Variants in KIF15 observed in about 807,000 individuals in gnomAD.
KIF15 encodes the protein kinesin-like protein KIF15.
KIF15 carries 140 observed loss-of-function variants against 190.6 expected under a neutral mutation model. The observed-to-expected ratio is 0.73, with a 90% CI of 0.64 to 0.84. KIF15 has a LOEUF of 0.84. Among genes scored for constraint, KIF15 ranks in the 40% least tolerant of loss-of-function variants. The pLI is 0.00. For synonymous variants in KIF15, 528 were observed against 551.3 expected, an observed-to-expected ratio of 0.96 and a Z score of 0.59; for missense variants, 1,372 against 1,584.4, an observed-to-expected ratio of 0.87 and a Z score of 2.28.
At chr3:44,797,792 T>G (rs1559542430) in intron 9 of KIF15, 42 bp from the exon 10 acceptor site, 1 of 1,608,104 alleles carries the variant, frequency 6.2e-7, no homozygotes. Context: ...AAAGGTCTTG[T>G]GATTTCTCAC....
At chr3:44,812,688 G>C (rs893658184) in intron 18 of KIF15, among the ~76,000 whole-genome samples, 2 of 152,144 alleles carry the variant, frequency 1.3e-5, no homozygotes, top group African/African-American at 4.8e-5. Context: ...TTTAAAAACA[G>C]GGACAGGTTA....
chr3:44,794,204 T>A lies in KIF15; in HGVS notation c.640-13T>A, dbSNP rs756467449. 2 of 1,603,782 alleles carry A rather than the reference T, an allele frequency of 1.2e-6. No homozygotes were observed. The highest frequency in any genetic ancestry group is 4.5e-5 in the East Asian group (2 of 44,778). On this transcript the variant is annotated splice_polypyrimidine_tract_variant and intron_variant, in intron 7 of 34. Transcript: ENST00000326047. ...TCCTCTCATTTCTTTTAATATGTTT[T>A]CCTTTTGCATAGGTGTTGTCTGGAG...
intron 24 of KIF15, among the ~76,000 whole-genome samples, chr3:44,829,374 ATGTGTG>A (rs547572565): frequency 1.7e-4 from 23 of 136,842 alleles, no homozygotes; most frequent in African/African-American, 5.5e-4. Context: ...ATATATATAT[ATGTGTG>A]TGTGTGTGTG....
rs368096692 is a variant in KIF15, at chr3:44,831,580, A to G, written c.3171+562A>G. ...GGTTGTCTTTTGCATTTTAGCGAAG[A>G]TAAGTTTTATTTTTGTTTTTTTGAT... On this transcript the variant is annotated intron_variant, in intron 26 of 34. Transcript: ENST00000326047. Among the ~76,000 whole-genome samples the G allele has an allele frequency of 9.8e-5, 15 of 152,314 alleles. No homozygotes were observed. In the South Asian group the frequency reaches 3.1e-3, roughly 32 times the overall value.
At chr3:44,838,007 A>T (rs1490034053) in intron 26 of KIF15, among the ~76,000 whole-genome samples, 2 of 152,172 alleles carry the variant, frequency 1.3e-5, no homozygotes, top group Non-Finnish European at 2.9e-5. Flanking sequence ...GGGGGTGAGG[A>T]GAGAATGCAA....
Position 44,826,022 on chromosome 3 carries a change from A to T in KIF15, c.2550-17A>T, listed in dbSNP as rs1697618857. On this transcript the variant is annotated splice_polypyrimidine_tract_variant and intron_variant, in intron 20 of 34. Transcript: ENST00000326047. The stretch of plus-strand genomic sequence containing the variant: ...TAAATGTTTATTTACCATTTTTAAA[A>T]TGTTTTCCTTATAAAGGTTAGAAAA... 1 of 1,567,956 alleles carries T rather than the reference A, an allele frequency of 6.4e-7. No individual in the cohort carries two copies. Among genetic ancestry groups the T allele is most frequent in the Non-Finnish European group, 8.6e-7 (1 of 1,163,480 alleles).
At chr3:44,821,726 G>T (rs1575646878) in intron 20 of KIF15, among the ~76,000 whole-genome samples, 1 of 152,362 alleles carries the variant, frequency 6.6e-6, no homozygotes. Flanking sequence ...CAGGGTGGCG[G>T]CTGGGCAGAG....
chr3:44,769,408 C>T (rs1216164416), intron 1 of KIF15, among the ~76,000 whole-genome samples: 1 of 152,072 alleles, frequency 6.6e-6, no homozygotes, highest in African/African-American at 2.4e-5. Context: ...CCTTATATCC[C>T]CAAGACCTGG....
At chr3:44,799,917 G>T (rs117600790) in intron 10 of KIF15, among the ~76,000 whole-genome samples, 28 of 152,214 alleles carry the variant, frequency 1.8e-4, no homozygotes, top group Admixed American at 6.5e-4. Context: ...CTCCTTCCCC[G>T]TAGGGAGCTA....
At chr3:44,796,111 C>T (rs1042217113) in intron 8 of KIF15, among the ~76,000 whole-genome samples, 1 of 152,206 alleles carries the variant, frequency 6.6e-6, no homozygotes, top group African/African-American at 2.4e-5. Context: ...GATCCACCCT[C>T]CTTGGCCTCC....
intron 7 of KIF15, among the ~76,000 whole-genome samples, chr3:44,789,688 A>ATATG (rs1409783494): frequency 1.1e-5 from 1 of 95,170 alleles, no homozygotes; most frequent in Non-Finnish European, 2.2e-5. Flanking sequence ...ATATATATAT[A>ATATG]TATAAAATAG....
At chr3:44,787,360 G>A (rs1432337107) in intron 7 of KIF15, among the ~76,000 whole-genome samples, 3 of 152,088 alleles carry the variant, frequency 2.0e-5, no homozygotes, top group Non-Finnish European at 4.4e-5. Flanking sequence ...TTTTGAGTTT[G>A]AAAAACACAT....
At chr3:44,807,521 G>C (rs1199002589) in intron 16 of KIF15, among the ~76,000 whole-genome samples, 1 of 152,084 alleles carries the variant, frequency 6.6e-6, no homozygotes, top group Non-Finnish European at 1.5e-5. Flanking sequence ...ACCGCGCCCA[G>C]CCTGTGACTG....
intron 20 of KIF15, among the ~76,000 whole-genome samples, chr3:44,816,399 C>G (rs914953969): frequency 1.3e-5 from 2 of 151,972 alleles, no homozygotes; most frequent in South Asian, 4.2e-4. Flanking sequence ...CCCAGCCCCC[C>G]ACCCCTTGAC....
intron 6 of KIF15, chr3:44,862,137 G>GGTGCTGCTGCTGC: frequency 8.3e-7 from 1 of 1,210,620 alleles, no homozygotes; most frequent in Non-Finnish European, 1.0e-6. Context: ...GGGCGCTGTT[G>GGTGCTGCTGCTGC]GTGCTGCTGC....
At chr3:44,846,771 CAAA>C (rs765234089) in intron 30 of KIF15, among the ~76,000 whole-genome samples, 1,836 of 67,796 alleles carry the variant, frequency 0.027, 26 homozygotes, top group African/African-American at 0.092. Context: ...GACTCTGTCT[CAAA>C]AAAAAAAAAA....
intron 6 of KIF15, chr3:44,861,780 C>T (rs1031883986): frequency 1.7e-5 from 16 of 951,358 alleles, no homozygotes; most frequent in Non-Finnish European, 2.3e-5. Flanking sequence ...GGCCCGCCCC[C>T]TCCGAGGCGC....
intron 11 of KIF15, among the ~76,000 whole-genome samples, chr3:44,801,173 A>G (rs1575610952): frequency 1.4e-5 from 2 of 145,744 alleles, no homozygotes; most frequent in East Asian, 4.1e-4. Flanking sequence ...ATGCCCAGCT[A>G]ATTTTTTTGT....
chr3:44,856,128 C>G (rs191448680), downstream of KIF15, among the ~76,000 whole-genome samples: 4 of 152,014 alleles, frequency 2.6e-5, no homozygotes, highest in African/African-American at 9.7e-5. Flanking sequence ...GGAATTATGG[C>G]GGACAAAAGG....
Sources: allele counts gnomAD v4.1 joint callset (sites outside exome capture counted in the v4.1 genomes callset), GRCh38; gene constraint gnomAD v4.1.1; transcripts MANE v1.5; gene names NCBI Gene and HGNC (gene_info 2026-07-23, HGNC 2026-07-21).